Variants in ZC3H7A observed in about 807,000 individuals in gnomAD.
ZC3H7A encodes zinc finger CCCH domain-containing protein 7A.
ZC3H7A carries 44 observed loss-of-function variants against 125.5 expected under a neutral mutation model. That is an observed-to-expected ratio of 0.35 (90% CI 0.28 to 0.45). The LOEUF (loss-of-function observed/expected upper bound fraction) is 0.45. ZC3H7A is among the 20% of genes least tolerant of loss of function. The pLI, the probability that ZC3H7A is intolerant of heterozygous loss-of-function variation, is 1.00. For synonymous variants in ZC3H7A, 399 were observed against 391.2 expected (o/e 1.02, Z -0.23); for missense variants, 977 against 1,170.7 (o/e 0.83, Z 2.41).
Position 11,774,412 on chromosome 16 carries a change from T to G in ZC3H7A, c.727A>C (p.Thr243Pro). ...ELASVPVMPLTSILPLQVEES... is the reference protein window; with the variant it reads ...ELASVPVMPLPSILPLQVEES... ...TCCACTTGTAGTGGCAAAATAGAAG[T>G]TAAGGGCATAACAGGAACTGAGGCC... Residue 243 changes from threonine (T) to proline (P), a missense_variant, in exon 9 of 23, where the codon ACT (threonine) becomes CCT (proline). Around this residue, in one of 3 missense-constraint regions of ZC3H7A, gnomAD observed 342 missense variants for 311.3 expected, o/e 1.10. Coordinates refer to ENST00000355758, the MANE Select transcript of ZC3H7A (RefSeq NM_014153.4). 1.9e-6 allele frequency: 3 copies of G among 1,613,268 alleles called. No individual in the cohort carries two copies. Among genetic ancestry groups the G allele is most frequent in the Non-Finnish European group, 2.5e-6 (3 of 1,179,500 alleles).
rs796241049 is a variant in ZC3H7A at position 11,771,396 on chromosome 16, TA to T, written c.904-410del. ...GAGCAAGACTCCATCTCCAAAAAAATAAAAAAAAAAACAAAGTTTAAATCAG... is the reference window on the plus strand; with the variant it reads ...GAGCAAGACTCCATCTCCAAAAAAATAAAAAAAAAACAAAGTTTAAATCAG... On this transcript the variant is annotated intron_variant, in intron 9 of 22. Transcript: ENST00000355758. Among the ~76,000 whole-genome samples the T allele has an allele frequency of 1.3e-4, 18 of 140,578 alleles. No individual in the cohort carries two copies. In the South Asian group the frequency reaches 1.4e-3, roughly 11 times the overall value. The allele number at this position is 140,578 out of a possible 152,430, so 92.2% of individuals were successfully genotyped here.
intron 4 of ZC3H7A, 94 bp downstream of exon 4, chr16:11,779,072 T>C (rs1004807115): frequency 3.5e-5 from 40 of 1,136,778 alleles, no homozygotes; most frequent in East Asian, 5.0e-5. Flanking sequence ...ATGACTTTCT[T>C]AAAAACTTAA....
chr16:11,770,658 T>A (rs2052963612), intron 10 of ZC3H7A, 125 bp downstream of exon 10: 1 of 980,338 alleles, frequency 1.0e-6, no homozygotes, highest in African/African-American at 1.7e-5. Flanking sequence ...AGTCTTTATA[T>A]TTTTAGCTAC....
chr16:11,765,027 A>G lies in ZC3H7A; in HGVS notation c.1820+26T>C. The G allele has an allele frequency of 6.9e-7, 1 of 1,448,480 alleles. No homozygotes were observed. Among genetic ancestry groups the G allele is most frequent in the Non-Finnish European group, 9.4e-7 (1 of 1,058,378 alleles). The allele number at this position is 1,448,480 out of a possible 1,614,324, so 89.7% of individuals were successfully genotyped here. ...TAGAAAAAGAATCTATTTTGTCATT[A>G]CAGAAATTAGAAACTATCAACATAC... On this transcript the variant is annotated intron_variant, in intron 15 of 22. Transcript: ENST00000355758. The surrounding 1 kb of genome is among the most constrained non-coding windows in gnomAD (Gnocchi z 4.8).
chr16:11,768,223 G>A (rs546327318), intron 12 of ZC3H7A, 92 bp downstream of exon 12: 1 of 1,215,964 alleles, frequency 8.2e-7, no homozygotes, highest in Non-Finnish European at 1.1e-6. Context: ...CATAATAACT[G>A]ATGTTGTTAA....
At chr16:11,762,565 G>C in intron 17 of ZC3H7A, 106 bp downstream of exon 17, 2 of 1,025,886 alleles carry the variant, frequency 1.9e-6, no homozygotes, top group African/African-American at 1.6e-5. Flanking sequence ...TGAATATTAA[G>C]AAAGTAACTG....
At chr16:11,768,891 A>G (rs1273692034) in intron 11 of ZC3H7A, 140 bp downstream of exon 11, 4 of 811,180 alleles carry the variant, frequency 4.9e-6, no homozygotes, top group Non-Finnish European at 7.6e-6. Context: ...TAGATGTTCC[A>G]GAAGTCTTAC....
chr16:11,752,522 T>G, intron 22 of ZC3H7A, 147 bp downstream of exon 22: 2 of 979,802 alleles, frequency 2.0e-6, no homozygotes, highest in Non-Finnish European at 2.9e-6. Flanking sequence ...CGAAACACTT[T>G]GAGCCAAAAC....
intron 8 of ZC3H7A, 120 bp downstream of exon 8, chr16:11,774,860 T>A: frequency 2.5e-6 from 3 of 1,193,910 alleles, no homozygotes; most frequent in Non-Finnish European, 3.6e-6. Context: ...CACTTTCATA[T>A]TAATACATTA....
intron 1 of ZC3H7A, among the ~76,000 whole-genome samples, chr16:11,792,458 CAAAT>C (rs2053369843): frequency 6.6e-6 from 1 of 152,156 alleles, no homozygotes. Context: ...GGTAACTAGA[CAAAT>C]AAATCCACAT....
intron 13 of ZC3H7A, among the ~76,000 whole-genome samples, chr16:11,766,040 T>C (rs1384459540): frequency 6.6e-6 from 1 of 151,984 alleles, no homozygotes; most frequent in African/African-American, 2.4e-5. Flanking sequence ...AAGCCTTAAT[T>C]ATTTTTATCA....
At chr16:11,794,012 G>A (rs187153310) in intron 1 of ZC3H7A, among the ~76,000 whole-genome samples, 244 of 152,304 alleles carry the variant, frequency 1.6e-3, no homozygotes, top group Middle Eastern at 3.4e-3. Context: ...GGCTCCGCCT[G>A]CCAAGAGCCT....
chr16:11,752,102 CA>C (rs1328411870), intron 22 of ZC3H7A, among the ~76,000 whole-genome samples: 1 of 151,860 alleles, frequency 6.6e-6, no homozygotes, highest in African/African-American at 2.4e-5. Flanking sequence ...GACAGGGTTT[CA>C]CCATGTTGTC....
In ZC3H7A at chr16:11,768,404, G is replaced by C. The variant is rs746054236; in HGVS notation, c.1271C>G (p.Thr424Ser). 2.5e-6 allele frequency: 4 copies of C among 1,596,746 alleles called. No homozygotes were observed. The highest frequency in any genetic ancestry group is 2.6e-6 in the Non-Finnish European group (3 of 1,169,068). Residue 424 changes from threonine (T) to serine (S), a missense_variant, in exon 12 of 23, where the codon ACC (threonine) becomes AGC (serine). By Grantham distance (58) the Thr-to-Ser change is moderately conservative. This residue lies in a region of ZC3H7A where 342 missense variants were observed against 311.3 expected (regional missense o/e 1.10). Transcript: ENST00000355758. ...DFGNFFGSAV[T>S]KPSSSVTPRH... ...TGGAGTCACTGATGAAGATGGTTTG[G>C]TAACTGCACTTCCAAAAAAGTTTCC...
chr16:11,778,833 C>A (rs1250143536), intron 4 of ZC3H7A, among the ~76,000 whole-genome samples: 1 of 152,080 alleles, frequency 6.6e-6, no homozygotes, highest in East Asian at 1.9e-4. Flanking sequence ...CCTGCCTCAG[C>A]CTCCCGGGCA....
At chr16:11,774,834 C>G (rs1368322919) in intron 8 of ZC3H7A, 146 bp downstream of exon 8, 1 of 1,015,372 alleles carries the variant, frequency 9.8e-7, no homozygotes, top group Admixed American at 2.4e-5. Flanking sequence ...ACAAAGGGAG[C>G]ATTGGAAATC....
chr16:11,761,745 T>C lies in ZC3H7A; in HGVS notation c.2213+165A>G, dbSNP rs765254245. ...AAAAAACACTACTTGTGAATTCTTATCTACTAGGTCCTAAAAATCTCTTCC... is the reference window on the plus strand; with the variant it reads ...AAAAAACACTACTTGTGAATTCTTACCTACTAGGTCCTAAAAATCTCTTCC... On this transcript the variant is annotated intron_variant, in intron 18 of 22. Coordinates refer to ENST00000355758, the MANE Select transcript of ZC3H7A (RefSeq NM_014153.4). The C allele has an allele frequency of 5.1e-5, 50 of 982,098 alleles. No homozygotes were observed. In the South Asian group the frequency reaches 7.7e-4, roughly 15 times the overall value. The allele number at this position is 982,098 out of a possible 1,614,324, so 60.8% of individuals were successfully genotyped here.
Position 11,767,591 on chromosome 16 carries a change from T to C in ZC3H7A, c.1361-13A>G, listed in dbSNP as rs562871877. 2 of 1,550,404 alleles carry C rather than the reference T, an allele frequency of 1.3e-6. No homozygotes were observed. Among genetic ancestry groups the C allele is most frequent in the Non-Finnish European group, 8.7e-7 (1 of 1,151,334 alleles). On this transcript the variant is annotated splice_polypyrimidine_tract_variant and intron_variant, in intron 12 of 22. Coordinates refer to ENST00000355758, the MANE Select transcript of ZC3H7A (RefSeq NM_014153.4). The stretch of plus-strand genomic sequence containing the variant: ...ATTAACTTAGGGCCTGAAAAAGATG[T>C]AAAGAGGATTGCTTATATGCACAAA...
At chr16:11,787,032 A>G (rs1596404183) in intron 1 of ZC3H7A, among the ~76,000 whole-genome samples, 1 of 152,280 alleles carries the variant, frequency 6.6e-6, no homozygotes, top group East Asian at 1.9e-4. Context: ...AACTCATGTG[A>G]CCCAGAGCCC....
Sources: gnomAD v4.1 joint callset for allele counts (sites outside exome capture counted in the v4.1 genomes callset) on GRCh38, gnomAD v4.1.1 for gene constraint, gnomAD v4.1.1 regional missense constraint, Gnocchi (gnomAD v3.1) non-coding constraint, MANE v1.5 for transcripts, NCBI Gene and HGNC (gene_info 2026-07-23, HGNC 2026-07-21) for gene names.